KLHL29: variants seen among roughly 807,000 people sequenced by gnomAD.
KLHL29 encodes kelch-like protein 29.
A neutral mutation model predicts 80.4 loss-of-function variants in KLHL29; 21 were observed. The ratio of observed to expected loss-of-function variants is 0.26; its 90% CI spans 0.19 to 0.38. The LOEUF is 0.38. Among genes scored for constraint, KLHL29 ranks in the 10% least tolerant of loss-of-function variants. The probability of loss-of-function intolerance (pLI) is 1.00; values close to 1 mark genes in which losing one functional copy is unlikely to be tolerated. For synonymous variants in KLHL29, 511 were observed against 526.8 expected, an observed-to-expected ratio of 0.97 and a Z score of 0.41; for missense variants, 867 against 1,223.9, an observed-to-expected ratio of 0.71 and a Z score of 4.35.
In KLHL29 at chr2:23,397,751, C is replaced by T. The variant is rs182235574; in HGVS notation, c.-154+11971C>T. ...CAGGCCAGCACAGTGGCAATTAAAA[C>T]GTGCTTTCAACTCAACAAACAAACA... On this transcript the variant is annotated intron_variant, in intron 1 of 13. Transcript: ENST00000486442. Among the ~76,000 whole-genome samples the T allele has an allele frequency of 6.5e-4, 99 of 152,298 alleles. 1 individual carries two copies. The highest frequency in any genetic ancestry group is 2.2e-3 in the African/African-American group (92 of 41,574).
chr2:23,693,148 C>A, intron 7 of KLHL29, 121 bp from the exon 8 acceptor site: 1 of 1,136,542 alleles, frequency 8.8e-7, no homozygotes, highest in Non-Finnish European at 1.2e-6. Flanking sequence ...GGACTCTGGA[C>A]ACTGCAGTCA....
intron 1 of KLHL29, among the ~76,000 whole-genome samples, chr2:23,449,513 A>G (rs901088915): frequency 6.6e-6 from 1 of 152,184 alleles, no homozygotes; most frequent in Admixed American, 6.5e-5. Flanking sequence ...GACCTGTCAC[A>G]TGCTTGGGGT....
intron 2 of KLHL29, among the ~76,000 whole-genome samples, chr2:23,479,635 G>A (rs1217693281): frequency 2.6e-5 from 4 of 152,186 alleles, no homozygotes; most frequent in African/African-American, 9.6e-5. Context: ...TTCTCCAGTG[G>A]CTCATGCGTA....
intron 1 of KLHL29, among the ~76,000 whole-genome samples, chr2:23,445,809 G>A (rs1663656708): frequency 6.6e-6 from 1 of 152,208 alleles, no homozygotes; most frequent in Non-Finnish European, 1.5e-5. Context: ...TGAGAAATGA[G>A]TGTTTCTGTT....
At chr2:23,636,447 T>C (rs1669611659) in intron 3 of KLHL29, among the ~76,000 whole-genome samples, 1 of 151,108 alleles carries the variant, frequency 6.6e-6, no homozygotes, top group South Asian at 2.1e-4. Flanking sequence ...TGCTTTCTTA[T>C]ACATAAGAAA....
At chr2:23,612,476 G>T (rs1203289936) in intron 3 of KLHL29, among the ~76,000 whole-genome samples, 2 of 152,198 alleles carry the variant, frequency 1.3e-5, no homozygotes, top group African/African-American at 4.8e-5. Context: ...TGGGTGTGGT[G>T]GTTCATGCCT....
intron 1 of KLHL29, among the ~76,000 whole-genome samples, chr2:23,475,072 A>G (rs923790674): frequency 2.6e-5 from 4 of 151,222 alleles, no homozygotes; most frequent in Non-Finnish European, 5.9e-5. Context: ...CTTCTTGCCC[A>G]TTGTGTGAAA....
intron 5 of KLHL29, among the ~76,000 whole-genome samples, chr2:23,679,999 A>G (rs1300247954): frequency 6.6e-6 from 1 of 152,032 alleles, no homozygotes; most frequent in African/African-American, 2.4e-5. Context: ...GAGCGGAGGG[A>G]ACGGGGAGAC....
rs181820516 is a variant in KLHL29, at chr2:23,589,909, C to A, written c.285+27428C>A. ...ACAGCTGTACAAGCTGTGCACTGAACAACTGTCAACGTCTATTCTGGGTCC... is the reference window on the plus strand; with the variant it reads ...ACAGCTGTACAAGCTGTGCACTGAAAAACTGTCAACGTCTATTCTGGGTCC... On this transcript the variant is annotated intron_variant, in intron 3 of 13. Transcript: ENST00000486442. 6.1e-3 allele frequency among the ~76,000 whole-genome samples: 930 copies of A among 152,324 alleles called. 9 individuals carry two copies. Among genetic ancestry groups the A allele is most frequent in the African/African-American group, 0.021 (871 of 41,582 alleles).
chr2:23,579,580 T>C (rs1359865219), intron 3 of KLHL29, among the ~76,000 whole-genome samples: 1 of 152,118 alleles, frequency 6.6e-6, no homozygotes, highest in Non-Finnish European at 1.5e-5. Context: ...GAGTCTACCC[T>C]TTTCCCTCCA....
intron 1 of KLHL29, among the ~76,000 whole-genome samples, chr2:23,399,052 C>T (rs1377820978): frequency 6.6e-6 from 1 of 152,206 alleles, no homozygotes; most frequent in Non-Finnish European, 1.5e-5. Flanking sequence ...CCATGGAGCG[C>T]TTTGGGTCCA....
At chr2:23,600,767 T>A (rs1157367245) in intron 3 of KLHL29, among the ~76,000 whole-genome samples, 1 of 152,222 alleles carries the variant, frequency 6.6e-6, no homozygotes, top group African/African-American at 2.4e-5. Flanking sequence ...GGAAAAGCCC[T>A]GGCTCCCACA....
intron 3 of KLHL29, among the ~76,000 whole-genome samples, chr2:23,570,968 A>G (rs1667703103): frequency 6.6e-6 from 1 of 152,160 alleles, no homozygotes; most frequent in Non-Finnish European, 1.5e-5. Flanking sequence ...TCCTTTGTCC[A>G]GAGTGGATCT....
intron 1 of KLHL29, among the ~76,000 whole-genome samples, chr2:23,390,215 G>A (rs1223121696): frequency 6.6e-6 from 1 of 152,196 alleles, no homozygotes; most frequent in Non-Finnish European, 1.5e-5. Flanking sequence ...CAATTTTATC[G>A]TTTGGGAGCA....
chr2:23,552,258 C>T (rs533266786), intron 2 of KLHL29, among the ~76,000 whole-genome samples: 7 of 152,304 alleles, frequency 4.6e-5, no homozygotes, highest in East Asian at 1.9e-4. Context: ...AGGAGCAGAG[C>T]GCAGAAGAAA....
In KLHL29 at chr2:23,503,164, G is replaced by A. The variant is rs1471211707; in HGVS notation, c.-46+27497G>A. Among the ~76,000 whole-genome samples, 1 of 152,200 alleles carries A rather than the reference G, an allele frequency of 6.6e-6. No individual in the cohort carries two copies. The highest frequency in any genetic ancestry group is 1.5e-5 in the Non-Finnish European group (1 of 68,040). On this transcript the variant is annotated intron_variant, in intron 2 of 13. Coordinates refer to ENST00000486442, the MANE Select transcript of KLHL29 (RefSeq NM_052920.2). The surrounding 1 kb of genome is among the most constrained non-coding windows in gnomAD (Gnocchi z 4.0). ...AAGCAATTAAAATGCACAGGGCTACGGCAAGGGCAGGCAGATCTGAGTGGA... is the reference window on the plus strand; with the variant it reads ...AAGCAATTAAAATGCACAGGGCTACAGCAAGGGCAGGCAGATCTGAGTGGA...
rs936329403 is a variant in KLHL29 at position 23,698,813 on chromosome 2, G to A, written c.2105+2300G>A. ...CAGGAAGCTGACAGATTGAGCTGAC[G>A]GGAGGGCTCATGGCTTGGCAATCAG... On this transcript the variant is annotated intron_variant, in intron 11 of 13. Coordinates refer to ENST00000486442, the MANE Select transcript of KLHL29 (RefSeq NM_052920.2). Among the ~76,000 whole-genome samples, 8 of 152,110 alleles carry A rather than the reference G, an allele frequency of 5.3e-5. No individual in the cohort carries two copies. In the South Asian group the frequency reaches 6.2e-4, roughly 12 times the overall value.
chr2:23,412,837 C>T (rs148020038), intron 1 of KLHL29, among the ~76,000 whole-genome samples: 85 of 152,238 alleles, frequency 5.6e-4, no homozygotes, highest in African/African-American at 1.9e-3. Flanking sequence ...TGGCAGGTGT[C>T]GGCCTTGGAG....
At chr2:23,648,309 C>T (rs1243654195) in intron 5 of KLHL29, among the ~76,000 whole-genome samples, 1 of 152,136 alleles carries the variant, frequency 6.6e-6, no homozygotes, top group African/African-American at 2.4e-5. Context: ...TTTACATACT[C>T]GTAGGCTTAG....
Sources: allele counts gnomAD v4.1 joint callset (sites outside exome capture counted in the v4.1 genomes callset), GRCh38; gene constraint gnomAD v4.1.1; non-coding constraint Gnocchi (gnomAD v3.1); transcripts MANE v1.5; gene names NCBI Gene and HGNC (gene_info 2026-07-23, HGNC 2026-07-21).